Variants in NBEAL2 observed in about 807,000 individuals in gnomAD.
The protein encoded by NBEAL2 is neurobeachin-like protein 2.
Under a neutral mutation model 299.8 loss-of-function variants are expected in NBEAL2, and 160 were observed. That is an observed-to-expected ratio of 0.53 (90% confidence interval 0.47 to 0.61). The LOEUF (loss-of-function observed/expected upper bound fraction) is 0.61, where lower values mean the gene tolerates loss of function less well. Among genes scored for constraint, NBEAL2 ranks in the 20% least tolerant of loss-of-function variants. The probability of loss-of-function intolerance (pLI) is 0.00; values close to 1 mark genes in which losing one functional copy is unlikely to be tolerated. For missense variants in NBEAL2, 3,112 were observed against 3,649.0 expected, an observed-to-expected ratio of 0.85 and a Z score of 3.79; for synonymous variants, 1,493 against 1,542.3, an observed-to-expected ratio of 0.97 and a Z score of 0.75.
Position 47,002,096 on chromosome 3 carries a change from A to T in NBEAL2, c.4959A>T (p.Ala1653=), listed in dbSNP as rs2037051616. The change falls in exon 31 of 54, where the codon GCA becomes GCT. Residue 1653 remains alanine (A), a synonymous_variant. Transcript: ENST00000450053. ...CAGGGTCCCCACTTGCAGCTGCAGCAGCTGCAGCAGCTGCAGAGCGCTGCT... is the reference window on the plus strand; with the variant it reads ...CAGGGTCCCCACTTGCAGCTGCAGCTGCTGCAGCAGCTGCAGAGCGCTGCT... ...DEAGSPLAAA[A]AAAAAERCSW... 2.6e-6 allele frequency: 4 copies of T among 1,550,644 alleles called. No individual in the cohort carries two copies.
At chr3:46,996,639 G>T in intron 16 of NBEAL2, 47 bp downstream of exon 16, 1 of 1,375,022 alleles carries the variant, frequency 7.3e-7, no homozygotes, top group East Asian at 2.7e-5. Flanking sequence ...CCAGAAGCTA[G>T]GGGTCCGGGG....
chr3:47,006,285 T>G, intron 44 of NBEAL2, 23 bp downstream of exon 44: 1 of 1,609,860 alleles, frequency 6.2e-7, no homozygotes, highest in Non-Finnish European at 8.5e-7. Context: ...TAGAGGATAG[T>G]GGCCAGGGAT....
At position 46,999,735 on chromosome 3, in the gene NBEAL2, G is replaced by C; in HGVS notation, c.3789+20G>C. 6.2e-7 allele frequency: 1 copy of C among 1,609,526 alleles called. No individual in the cohort carries two copies. Among genetic ancestry groups the C allele is most frequent in the Non-Finnish European group, 8.5e-7 (1 of 1,177,890 alleles). On this transcript the variant is annotated intron_variant, in intron 26 of 53. Coordinates refer to ENST00000450053, the MANE Select transcript of NBEAL2 (RefSeq NM_015175.3). ...CGCCAGGTGAGCATGAGAGGTAAAA[G>C]CTTTGGGGGAGGGGGAGGGTGGCTT...
chr3:47,000,355 C>T lies in NBEAL2; in HGVS notation c.4256C>T (p.Pro1419Leu), dbSNP rs779579929. 18 of 1,598,388 alleles carry T rather than the reference C, an allele frequency of 1.1e-5. No individual in the cohort carries two copies. The highest frequency in any genetic ancestry group is 1.5e-5 in the Non-Finnish European group (17 of 1,169,862). ...AATGTGCTGGAGGACGGCAGCCTCC[C>T]GGAGCCCACCATTAGCGGGGATGAT... ...LSNVLEDGSL[P>L]EPTISGDDTS... is the part of the protein sequence containing the mutation. Residue 1419 changes from proline (P) to leucine (L), a missense_variant, in exon 27 of 54, where the codon CCG becomes CTG. Pro to Leu is a moderately conservative substitution (Grantham distance 98, BLOSUM62 -3). This residue lies in a region of NBEAL2 where 2,243 missense variants were observed against 2,538.1 expected (regional missense o/e 0.88). Coordinates refer to ENST00000450053, the MANE Select transcript of NBEAL2 (RefSeq NM_015175.3). The surrounding 1 kb of genome is among the most constrained non-coding windows in gnomAD (Gnocchi z 4.5).
At chr3:46,986,443 G>C (rs796388253) in intron 1 of NBEAL2, among the ~76,000 whole-genome samples, 19 of 152,194 alleles carry the variant, frequency 1.2e-4, no homozygotes, top group East Asian at 7.7e-4. Context: ...AACCACAGAG[G>C]GGGAGAGGTG....
At position 47,009,279 on chromosome 3, in the gene NBEAL2, T is replaced by C. The variant is rs773174045; in HGVS notation, c.8224T>C (p.Ser2742Pro). Residue 2742 changes from serine to proline, a missense_variant, in exon 54 of 54, where the codon TCC (serine) becomes CCC (proline). Physicochemically the swap from Ser to Pro is moderately conservative, Grantham distance 74. Coordinates refer to ENST00000450053, the MANE Select transcript of NBEAL2 (RefSeq NM_015175.3). ...WRSSRRISQV[S>P]SGETEYNPTE... ...GTCCTCGCGGCGCATCTCCCAGGTG[T>C]CCTCGGGAGAGACGGAATACAACCC... The C allele has an allele frequency of 3.1e-6, 5 of 1,602,040 alleles. No individual in the cohort carries two copies. The East Asian group carries it at 1.1e-4, about 36-fold the overall frequency.
rs771123876 is a variant in NBEAL2, at chr3:47,004,357, C to A, written c.6162C>A (p.Ser2054=). The A allele has an allele frequency of 6.2e-7, 1 of 1,601,904 alleles. No homozygotes were observed. Among genetic ancestry groups the A allele is most frequent in the Non-Finnish European group, 8.5e-7 (1 of 1,172,606 alleles). Residue 2054 remains serine, a synonymous_variant, in exon 37 of 54, where the codon TCC becomes TCA. Coordinates refer to ENST00000450053, the MANE Select transcript of NBEAL2 (RefSeq NM_015175.3). The surrounding 1 kb of genome is among the most constrained non-coding windows in gnomAD (Gnocchi z 5.0). The part of the protein sequence containing the change: ...PPSQGYLSSR[S]PQEMLRASGL... The stretch of plus-strand genomic sequence containing the variant: ...CTCAAGGCTACCTAAGCAGCCGCTC[C>A]CCCCAGGAGATGCTGCGTGCCTCAG...
In NBEAL2 at chr3:46,995,471, G is replaced by A. The variant is rs768701328; in HGVS notation, c.1736G>A (p.Arg579His). Residue 579 changes from arginine to histidine, a missense_variant, in exon 13 of 54, where the codon CGC (arginine) becomes CAC (histidine). By Grantham distance (29) the Arg-to-His change is conservative. Coordinates refer to ENST00000450053, the MANE Select transcript of NBEAL2 (RefSeq NM_015175.3). ...CACCAGGGTCCTGCACGTGCTCTGC[G>A]CTACTTTGACCTCACGCCCAGCATG... ...ARHQGPARALRYFDLTPSMAG... is the reference protein window; with the variant it reads ...ARHQGPARALHYFDLTPSMAG... The A allele has an allele frequency of 2.7e-5, 44 of 1,612,760 alleles. No homozygotes were observed. The highest frequency in any genetic ancestry group is 1.6e-4 in the Middle Eastern group (1 of 6,084).
intron 17 of NBEAL2, 45 bp from the exon 18 acceptor site, chr3:46,996,909 C>G (rs778735703): frequency 6.2e-7 from 1 of 1,609,562 alleles, no homozygotes; most frequent in Non-Finnish European, 8.5e-7. Context: ...CTGCCACCCC[C>G]TCCTCCCTCT....
chr3:47,007,742 G>T, intron 48 of NBEAL2, 45 bp downstream of exon 48: 1 of 1,609,162 alleles, frequency 6.2e-7, no homozygotes, highest in African/African-American at 1.3e-5. Context: ...ACACAGGTAT[G>T]GGGCCGGGTT....
In NBEAL2 at chr3:46,979,733, C is replaced by A; in HGVS notation, c.-129C>A. 3.2e-6 allele frequency: 1 copy of A among 316,596 alleles called. No homozygotes were observed. The highest frequency in any genetic ancestry group is 1.5e-4 in the South Asian group (1 of 6,708). 19.6% of individuals were successfully genotyped at this position (316,596 alleles called of 1,614,324 possible). On this transcript the variant is annotated 5_prime_UTR_variant, in exon 1 of 54. Transcript: ENST00000450053. ...CGGAGGCCACAGCCGCAGACTTCCC[C>A]AGTAGTACCGCGCCGCTCCGCCCCG...
chr3:47,007,948 C>A, intron 49 of NBEAL2, 38 bp downstream of exon 49: 1 of 1,594,632 alleles, frequency 6.3e-7, no homozygotes. Context: ...CCCCCGTAGC[C>A]CAGACCTGCA....
Position 47,002,218 on chromosome 3 carries a change from G to A in NBEAL2, c.5081G>A (p.Ser1694Asn), listed in dbSNP as rs1408318506. 6.5e-7 allele frequency: 1 copy of A among 1,538,482 alleles called. No homozygotes were observed. Among genetic ancestry groups the A allele is most frequent in the Non-Finnish European group, 8.8e-7 (1 of 1,140,324 alleles). ...GLPSLPPTNG[S>N]PTFFEDFQAF... is the part of the protein sequence containing the mutation. ...CCCTCCCTGCCACCCACCAATGGCA[G>A]CCCCACCTTCTTTGAAGACTTCCAG... is the stretch of plus-strand genomic sequence containing the variant. The change falls in exon 31 of 54, where the codon AGC (serine) becomes AAC (asparagine). Residue 1694 changes from serine to asparagine, a missense_variant. By Grantham distance (46) the Ser-to-Asn change is conservative. Transcript: ENST00000450053.
At position 46,989,232 on chromosome 3, in the gene NBEAL2, G is replaced by A. The variant is rs769893539; in HGVS notation, c.352-28G>A. On this transcript the variant is annotated intron_variant, in intron 4 of 53. Transcript: ENST00000450053. This position sits in a 1 kb window ranked among gnomAD's most constrained non-coding sequence, Gnocchi z 5.5. Reference sequence around the variant, plus strand: ...GGGAGGCAGGCGGTAGCCATGGCGGGGCTAACCCTCTCTCCCCACACCTAC... The same window carrying A: ...GGGAGGCAGGCGGTAGCCATGGCGGAGCTAACCCTCTCTCCCCACACCTAC... The A allele has an allele frequency of 1.2e-6, 2 of 1,612,464 alleles. No homozygotes were observed. Among genetic ancestry groups the A allele is most frequent in the South Asian group, 1.1e-5 (1 of 90,860 alleles).
In NBEAL2 at chr3:46,996,573, G is replaced by A; in HGVS notation, c.2454G>A (p.Leu818=). The A allele has an allele frequency of 6.5e-7, 1 of 1,534,944 alleles. No individual in the cohort carries two copies. The highest frequency in any genetic ancestry group is 8.8e-7 in the Non-Finnish European group (1 of 1,138,502). ...IFHEALQATA[L]RTLCTLGPNE... ...ACGAAGCCCTGCAGGCGACGGCTCTGAGGACCCTGTGCACCCTGGGTATGC... is the reference window on the plus strand; with the variant it reads ...ACGAAGCCCTGCAGGCGACGGCTCTAAGGACCCTGTGCACCCTGGGTATGC... Residue 818 remains leucine, a synonymous_variant, in exon 16 of 54, where the codon CTG becomes CTA. Transcript: ENST00000450053.
At position 46,991,651 on chromosome 3, in the gene NBEAL2, C is replaced by T. The variant is rs375562306; in HGVS notation, c.888C>T (p.Pro296=). ...ADWPAGLSSG[P]EEALVTLRVS... Reference sequence around the variant, plus strand: ...GGCCAGCTGGTCTGAGCTCAGGCCCCGAAGAGGCCCTTGTCACCCTCCGGG... The same window carrying T: ...GGCCAGCTGGTCTGAGCTCAGGCCCTGAAGAGGCCCTTGTCACCCTCCGGG... The change falls in exon 8 of 54, where the codon CCC becomes CCT. Residue 296 remains proline (P), a synonymous_variant. Coordinates refer to ENST00000450053, the MANE Select transcript of NBEAL2 (RefSeq NM_015175.3). This position sits in a 1 kb window ranked among gnomAD's most constrained non-coding sequence, Gnocchi z 6.2. The T allele has an allele frequency of 6.9e-6, 11 of 1,599,064 alleles. No individual in the cohort carries two copies. In the East Asian group the frequency reaches 1.1e-4, roughly 16 times the overall value.
intron 10 of NBEAL2, among the ~76,000 whole-genome samples, chr3:46,993,000 A>G (rs1440798440): frequency 1.3e-5 from 2 of 152,160 alleles, no homozygotes; most frequent in African/African-American, 4.8e-5. Flanking sequence ...TTCACCTTGC[A>G]TGTGGGCTGT....
rs549816780 is a variant in NBEAL2, at chr3:46,982,289, A to C, written c.51+2377A>C. ...TTAGTTGGCCAGCCACCCAGCCAGC[A>C]ACACCTGCACCCCTCCCTTCAGCAG... On this transcript the variant is annotated intron_variant, in intron 1 of 53. Coordinates refer to ENST00000450053, the MANE Select transcript of NBEAL2 (RefSeq NM_015175.3). The surrounding 1 kb of genome is among the most constrained non-coding windows in gnomAD (Gnocchi z 4.2). Among the ~76,000 whole-genome samples, 1 of 152,172 alleles carries C rather than the reference A, an allele frequency of 6.6e-6. No homozygotes were observed. The highest frequency in any genetic ancestry group is 1.5e-5 in the Non-Finnish European group (1 of 68,030).
chr3:47,002,542 A>T (rs1415720067), intron 32 of NBEAL2, 22 bp downstream of exon 32: 1 of 1,611,552 alleles, frequency 6.2e-7, no homozygotes, highest in Non-Finnish European at 8.5e-7. Context: ...GGGGTAAGGG[A>T]TGGGAAACTG....
Sources: allele counts gnomAD v4.1 joint callset (sites outside exome capture counted in the v4.1 genomes callset), GRCh38; gene constraint gnomAD v4.1.1; regional missense constraint gnomAD v4.1.1; non-coding constraint Gnocchi (gnomAD v3.1); transcripts MANE v1.5; gene names NCBI Gene and HGNC (gene_info 2026-07-23, HGNC 2026-07-21).